Variants in DPF3 observed in about 807,000 individuals in gnomAD.
DPF3 encodes zinc finger protein DPF3.
DPF3 carries 18 observed loss-of-function variants against 56.8 expected under a neutral mutation model. The ratio of observed to expected loss-of-function variants is 0.32; its 90% CI spans 0.22 to 0.47. DPF3 has a LOEUF of 0.47. Among genes scored for constraint, DPF3 ranks in the 20% least tolerant of loss-of-function variants. The pLI is 1.00. For missense variants in DPF3, 403 were observed against 488.8 expected, an observed-to-expected ratio of 0.82 and a Z score of 1.65; for synonymous variants, 188 against 180.2, an observed-to-expected ratio of 1.04 and a Z score of -0.35.
At chr14:72,871,956 C>T (rs1210862908) in intron 1 of DPF3, among the ~76,000 whole-genome samples, 1 of 152,244 alleles carries the variant, frequency 6.6e-6, no homozygotes, top group Non-Finnish European at 1.5e-5. Context: ...GAGGGCCCCG[C>T]CCCTGCAGCA....
intron 5 of DPF3, among the ~76,000 whole-genome samples, chr14:72,719,841 A>G (rs1231297675): frequency 6.6e-6 from 1 of 152,182 alleles, no homozygotes; most frequent in African/African-American, 2.4e-5. Context: ...TTTGCCCACC[A>G]TCACAGAGGT....
intron 2 of DPF3, 125 bp downstream of exon 2, chr14:72,771,608 C>A: frequency 2.6e-6 from 3 of 1,148,078 alleles, no homozygotes; most frequent in Non-Finnish European, 3.6e-6. Flanking sequence ...ATCTCAGAGG[C>A]CCATGTGCAG....
intron 1 of DPF3, among the ~76,000 whole-genome samples, chr14:72,829,788 G>A (rs976331756): frequency 1.3e-5 from 2 of 151,664 alleles, no homozygotes; most frequent in African/African-American, 2.4e-5. Context: ...CTGTCACCCA[G>A]GCTGGAGTGC....
At chr14:72,684,936 C>T (rs1331926262) in intron 7 of DPF3, among the ~76,000 whole-genome samples, 1 of 152,110 alleles carries the variant, frequency 6.6e-6, no homozygotes, top group Non-Finnish European at 1.5e-5. Context: ...TCTCTCTCTC[C>T]ACCCGTACAC....
chr14:72,892,427 C>T, intron 1 of DPF3: 5 of 1,467,442 alleles, frequency 3.4e-6, no homozygotes, highest in Non-Finnish European at 4.5e-6. Context: ...GAGCTCCTAT[C>T]TGATCAGCCT....
At chr14:72,724,912 C>G (rs775307892) in intron 4 of DPF3, among the ~76,000 whole-genome samples, 3 of 151,878 alleles carry the variant, frequency 2.0e-5, no homozygotes, top group Non-Finnish European at 4.4e-5. Context: ...CACTATGTTG[C>G]CCGGGCTGAC....
chr14:72,863,818 C>T (rs1885552167), intron 1 of DPF3, among the ~76,000 whole-genome samples: 1 of 152,190 alleles, frequency 6.6e-6, no homozygotes, highest in Admixed American at 6.5e-5. Flanking sequence ...AAATGTTCTG[C>T]TGGCAGGAAT....
At chr14:72,693,267 A>T in intron 6 of DPF3, 54 bp from the exon 7 acceptor site, 1 of 1,573,064 alleles carries the variant, frequency 6.4e-7, no homozygotes. Flanking sequence ...CAACCTGTGC[A>T]GCCACCGCTA....
intron 3 of DPF3, among the ~76,000 whole-genome samples, chr14:72,744,171 G>C (rs974517600): frequency 6.6e-6 from 1 of 152,172 alleles, no homozygotes; most frequent in Non-Finnish European, 1.5e-5. Flanking sequence ...AAGAGGGATG[G>C]TGCATTTACC....
intron 7 of DPF3, among the ~76,000 whole-genome samples, chr14:72,679,614 C>T (rs1282889784): frequency 6.6e-6 from 1 of 152,264 alleles, no homozygotes; most frequent in African/African-American, 2.4e-5. Context: ...CCGCCACCCT[C>T]CACAGGCTGA....
intron 1 of DPF3, among the ~76,000 whole-genome samples, chr14:72,826,250 A>T (rs1544579): frequency 6.6e-6 from 1 of 152,052 alleles, no homozygotes. Context: ...AAAGCAGCTG[A>T]CTGCTGTCTG....
chr14:72,853,119 A>T (rs1885048198), intron 1 of DPF3: 2 of 151,154 alleles, frequency 1.3e-5, no homozygotes, highest in Admixed American at 6.6e-5. Context: ...AAAACTCCTT[A>T]GCTTTGGGGA....
chr14:72,756,807 T>TGAAAGAAAGAAA (rs1292830444), intron 2 of DPF3, among the ~76,000 whole-genome samples: 9 of 87,030 alleles, frequency 1.0e-4, no homozygotes, highest in Non-Finnish European at 2.0e-4. Context: ...CAAGATTCTG[T>TGAAAGAAAGAAA]GAAAGAAAGA....
intron 9 of DPF3, among the ~76,000 whole-genome samples, chr14:72,620,220 A>G (rs192296762): frequency 7.9e-5 from 12 of 152,240 alleles, no homozygotes; most frequent in African/African-American, 2.2e-4. Context: ...GGTTCTGCTC[A>G]ACTCGTACCT....
At chr14:72,861,845 C>T (rs1324300298) in intron 1 of DPF3, among the ~76,000 whole-genome samples, 1 of 151,856 alleles carries the variant, frequency 6.6e-6, no homozygotes, top group Non-Finnish European at 1.5e-5. Flanking sequence ...ATTTTTCTTA[C>T]TTTATCACAA....
chr14:72,714,285 A>T (rs1888796050), intron 6 of DPF3, 138 bp downstream of exon 6: 14 of 1,085,834 alleles, frequency 1.3e-5, no homozygotes, highest in Non-Finnish European at 1.8e-5. Context: ...GCGGCAGGCG[A>T]GTAAGCTGGG....
chr14:72,836,191 G>T, intron 1 of DPF3: 1 of 985,940 alleles, frequency 1.0e-6, no homozygotes. Context: ...TGGGGAGGGG[G>T]CACTGAGGAC....
chr14:72,646,545 T>A (rs1326149818), intron 8 of DPF3, among the ~76,000 whole-genome samples: 1 of 152,208 alleles, frequency 6.6e-6, no homozygotes, highest in East Asian at 1.9e-4. Flanking sequence ...TGAGACCCCA[T>A]GGAGGCTGCT....
chr14:72,822,632 C>T (rs1437094926), intron 1 of DPF3, among the ~76,000 whole-genome samples: 1 of 152,084 alleles, frequency 6.6e-6, no homozygotes, highest in African/African-American at 2.4e-5. Context: ...TTTTTGCTCT[C>T]AATTACTTTC....
Sources: gnomAD v4.1 joint callset for allele counts (sites outside exome capture counted in the v4.1 genomes callset) on GRCh38, gnomAD v4.1.1 for gene constraint, MANE v1.5 for transcripts, NCBI Gene and HGNC (gene_info 2026-07-23, HGNC 2026-07-21) for gene names.